Variants in TANGO6 observed in about 807,000 individuals in gnomAD.
The protein encoded by TANGO6 is transport and golgi organization 6 homolog.
Under a neutral mutation model 114.2 loss-of-function variants are expected in TANGO6, and 90 were observed. The observed-to-expected ratio is 0.79, with a 90% CI of 0.66 to 0.94. TANGO6 has a LOEUF of 0.94. Ranked by LOEUF, TANGO6 falls within the 40% of genes least tolerant of loss-of-function variation. TANGO6 has a pLI of 0.00. For missense variants in TANGO6, 1,274 were observed against 1,315.3 expected (o/e 0.97, Z 0.49); for synonymous variants, 477 against 509.8 (o/e 0.94, Z 0.87).
chr16:69,068,520 T>C (rs575815199), intron 17 of TANGO6, among the ~76,000 whole-genome samples: 4 of 152,302 alleles, frequency 2.6e-5, no homozygotes, highest in African/African-American at 7.2e-5. Context: ...CCAAGTACTA[T>C]GTAAGGATTA....
At chr16:68,971,172 T>C (rs1898102069) in intron 14 of TANGO6, among the ~76,000 whole-genome samples, 1 of 150,886 alleles carries the variant, frequency 6.6e-6, no homozygotes, top group South Asian at 2.1e-4. Context: ...AAAAAGAAAG[T>C]TATGATAGCT....
At chr16:68,983,013 G>A (rs945016756) in intron 15 of TANGO6, among the ~76,000 whole-genome samples, 1 of 151,532 alleles carries the variant, frequency 6.6e-6, no homozygotes, top group Non-Finnish European at 1.5e-5. Flanking sequence ...TGCAGGTCTT[G>A]TTATTTCTTT....
At chr16:68,991,676 G>C (rs180928339) in intron 15 of TANGO6, among the ~76,000 whole-genome samples, 1 of 151,992 alleles carries the variant, frequency 6.6e-6, no homozygotes, top group East Asian at 1.9e-4. Flanking sequence ...AAATTAGATG[G>C]GCATAGTGGC....
chr16:69,071,391 C>T (rs755763307), intron 17 of TANGO6, among the ~76,000 whole-genome samples: 3 of 152,198 alleles, frequency 2.0e-5, no homozygotes, highest in Non-Finnish European at 4.4e-5. Context: ...GGAAAAACCT[C>T]TGCTAGATCA....
At chr16:68,996,600 C>T (rs550799572) in intron 15 of TANGO6, among the ~76,000 whole-genome samples, 1 of 152,262 alleles carries the variant, frequency 6.6e-6, no homozygotes, top group African/African-American at 2.4e-5. Context: ...GCATGTGGCT[C>T]TCCAGGGTGT....
chr16:68,849,294 A>G (rs1231123867), intron 1 of TANGO6, among the ~76,000 whole-genome samples: 1 of 152,110 alleles, frequency 6.6e-6, no homozygotes, highest in Non-Finnish European at 1.5e-5. Flanking sequence ...AGACTGTGCA[A>G]CTACACTCCA....
At position 68,862,935 on chromosome 16, in the gene TANGO6, T is replaced by G. The variant is rs187372668; in HGVS notation, c.736-10T>G. 6.4e-7 allele frequency: 1 copy of G among 1,564,806 alleles called. No homozygotes were observed. ...GAATTCCACTAAAGCCAAGTGCATATTTCTTTTAGGTTCTAACTGAAGAGG... is the reference window on the plus strand; with the variant it reads ...GAATTCCACTAAAGCCAAGTGCATAGTTCTTTTAGGTTCTAACTGAAGAGG... On this transcript the variant is annotated splice_polypyrimidine_tract_variant and intron_variant, in intron 2 of 17. Transcript: ENST00000261778.
chr16:68,875,084 C>T, intron 4 of TANGO6, 70 bp from the exon 5 acceptor site: 1 of 1,478,020 alleles, frequency 6.8e-7, no homozygotes, highest in Non-Finnish European at 9.1e-7. Context: ...AATTTTAAGA[C>T]AAATTTGTTA....
intron 5 of TANGO6, among the ~76,000 whole-genome samples, chr16:68,877,765 A>C (rs949741767): frequency 6.6e-6 from 1 of 151,644 alleles, no homozygotes; most frequent in African/African-American, 2.4e-5. Context: ...CCGCCACCAC[A>C]CTCGGCTAAG....
intron 11 of TANGO6, among the ~76,000 whole-genome samples, chr16:68,914,958 TACACAC>T (rs3061679): frequency 0.012 from 1,684 of 135,262 alleles, 12 homozygotes; most frequent in South Asian, 0.023. Context: ...TTTTGATATC[TACACAC>T]ACACACACAC....
intron 11 of TANGO6, among the ~76,000 whole-genome samples, chr16:68,910,879 G>A (rs1597016027): frequency 6.6e-6 from 1 of 152,022 alleles, no homozygotes; most frequent in East Asian, 1.9e-4. Flanking sequence ...GTTTCACCAT[G>A]TTGGCCAGGC....
At chr16:68,893,047 C>T (rs978581548) in intron 7 of TANGO6, among the ~76,000 whole-genome samples, 1 of 152,172 alleles carries the variant, frequency 6.6e-6, no homozygotes, top group Admixed American at 6.5e-5. Flanking sequence ...GATAGCATAA[C>T]AGAAAGCATA....
chr16:68,976,590 T>C (rs147598458), intron 15 of TANGO6, among the ~76,000 whole-genome samples: 2 of 152,320 alleles, frequency 1.3e-5, no homozygotes, highest in African/African-American at 4.8e-5. Flanking sequence ...AGAAGATTCA[T>C]TTATTTAACC....
In TANGO6 at chr16:68,965,969, C is replaced by T. The variant is rs140997890; in HGVS notation, c.2702-8059C>T. Among the ~76,000 whole-genome samples the T allele has an allele frequency of 3.5e-4, 53 of 152,242 alleles. No individual in the cohort carries two copies. The East Asian group carries it at 8.3e-3, about 24-fold the overall frequency. On this transcript the variant is annotated intron_variant, in intron 14 of 17. Transcript: ENST00000261778. Reference sequence around the variant, plus strand: ...AATTCAGACCAGGTGTAGTGGCTCACGCCTGTAATCCCAATATTTTGGGAG... The same window carrying T: ...AATTCAGACCAGGTGTAGTGGCTCATGCCTGTAATCCCAATATTTTGGGAG...
chr16:68,971,166 AG>A, intron 14 of TANGO6, among the ~76,000 whole-genome samples: 1 of 151,910 alleles, frequency 6.6e-6, no homozygotes, highest in South Asian at 2.1e-4. Flanking sequence ...AAAAAAAAAA[AG>A]AAAGTTATGA....
rs147031385 is a variant in TANGO6 at position 68,912,211 on chromosome 16, G to A, written c.1992+2809G>A. On this transcript the variant is annotated intron_variant, in intron 11 of 17. Coordinates refer to ENST00000261778, the MANE Select transcript of TANGO6 (RefSeq NM_024562.2). The stretch of plus-strand genomic sequence containing the variant: ...TTCAAAAAGAAAACTAGAAAATTAC[G>A]TCTTGGCAGGGTGCTATGGCTCACG... Among the ~76,000 whole-genome samples the A allele has an allele frequency of 6.6e-3, 1,011 of 152,262 alleles. 19 individuals are homozygous for A. The highest frequency in any genetic ancestry group is 0.04 in the Admixed American group (607 of 15,284).
At chr16:68,895,957 T>C (rs1962698059) in intron 7 of TANGO6, among the ~76,000 whole-genome samples, 1 of 152,128 alleles carries the variant, frequency 6.6e-6, no homozygotes, top group African/African-American at 2.4e-5. Context: ...TTTATTTTAT[T>C]TTATTTTTTG....
intron 14 of TANGO6, among the ~76,000 whole-genome samples, chr16:68,971,388 G>A (rs747193117): frequency 5.9e-5 from 9 of 151,442 alleles, no homozygotes; most frequent in South Asian, 2.1e-4. Flanking sequence ...CTCCTGCCTC[G>A]GCCTCCGAGT....
In TANGO6 at chr16:69,020,716, A is replaced by G. The variant is rs149556532; in HGVS notation, c.2843-2112A>G. ...GAAGTTCAAGACCAGCCTGGGCAAC[A>G]TAGTGAGACCCTGTTTCTACAAAAA... On this transcript the variant is annotated intron_variant, in intron 15 of 17. Coordinates refer to ENST00000261778, the MANE Select transcript of TANGO6 (RefSeq NM_024562.2). Among the ~76,000 whole-genome samples, 284 of 152,270 alleles carry G rather than the reference A, an allele frequency of 1.9e-3. 9 individuals carry two copies. The East Asian group carries it at 0.047, about 25-fold the overall frequency.
Sources: gnomAD v4.1 joint callset for allele counts (sites outside exome capture counted in the v4.1 genomes callset) on GRCh38, gnomAD v4.1.1 for gene constraint, MANE v1.5 for transcripts, NCBI Gene and HGNC (gene_info 2026-07-23, HGNC 2026-07-21) for gene names.